TRPM3: variants seen among roughly 807,000 people sequenced by gnomAD.
TRPM3 encodes the protein transient receptor potential cation channel subfamily M member 3.
Under a neutral mutation model 181.2 loss-of-function variants are expected in TRPM3, and 77 were observed. The observed-to-expected ratio is 0.42, with a 90% confidence interval of 0.35 to 0.51. The LOEUF is 0.51. TRPM3 is among the 20% of genes least tolerant of loss of function. TRPM3 has a pLI of 0.01. For synonymous variants in TRPM3, 745 were observed against 796.4 expected, an observed-to-expected ratio of 0.94 and a Z score of 1.09; for missense variants, 1,759 against 2,196.7, an observed-to-expected ratio of 0.80 and a Z score of 3.98.
chr9:71,256,172 T>C (rs937409828), intron 1 of TRPM3, among the ~76,000 whole-genome samples: 3 of 152,170 alleles, frequency 2.0e-5, no homozygotes, highest in African/African-American at 7.2e-5. Context: ...TTGGAGAGCA[T>C]CTTTTTGAGG....
At chr9:70,603,305 GTC>G (rs2060422874) in intron 20 of TRPM3, 35 bp downstream of exon 20, 4 of 1,602,680 alleles carry the variant, frequency 2.5e-6, no homozygotes, top group Non-Finnish European at 3.4e-6. Flanking sequence ...CTTAACCACT[GTC>G]TTTCTCTTAC....
At position 70,561,384 on chromosome 9, in the gene TRPM3, C is replaced by T. The variant is rs141406799; in HGVS notation, c.3224-8074G>A. The stretch of plus-strand genomic sequence containing the variant: ...TTCCTTGGCAAGACAACTGGAGATG[C>T]CTCCCTTTGCATGGCTACATCTTTC... On this transcript the variant is annotated intron_variant, in intron 22 of 25. Transcript: ENST00000677713. Among the ~76,000 whole-genome samples the T allele has an allele frequency of 1.3e-3, 198 of 152,278 alleles. 1 individual carries two copies. Among genetic ancestry groups the T allele is most frequent in the African/African-American group, 4.5e-3 (185 of 41,572 alleles).
chr9:70,857,753 C>A (rs1291039585), intron 3 of TRPM3, among the ~76,000 whole-genome samples: 1 of 152,100 alleles, frequency 6.6e-6, no homozygotes, highest in African/African-American at 2.4e-5. Flanking sequence ...GTTTTTTAAG[C>A]CTGACTGAAC....
intron 1 of TRPM3, among the ~76,000 whole-genome samples, chr9:71,090,587 G>A (rs1050164688): frequency 6.6e-6 from 1 of 152,116 alleles, no homozygotes; most frequent in Non-Finnish European, 1.5e-5. Flanking sequence ...GCCTTGGCCA[G>A]TACAAAAGCA....
intron 1 of TRPM3, among the ~76,000 whole-genome samples, chr9:71,265,984 T>C (rs2083369018): frequency 6.6e-6 from 1 of 152,194 alleles, no homozygotes; most frequent in African/African-American, 2.4e-5. Flanking sequence ...TGTCAACTAG[T>C]TTGTTGGCTT....
At chr9:70,985,898 G>T (rs77238512) in intron 1 of TRPM3, among the ~76,000 whole-genome samples, 2,066 of 152,264 alleles carry the variant, frequency 0.014, 36 homozygotes, top group African/African-American at 0.047. Flanking sequence ...GATGGAGGGA[G>T]AATATTTAAA....
intron 1 of TRPM3, among the ~76,000 whole-genome samples, chr9:71,390,205 T>C (rs2093030207): frequency 6.6e-6 from 1 of 151,934 alleles, no homozygotes; most frequent in Non-Finnish European, 1.5e-5. Flanking sequence ...CACTGGCATA[T>C]GGAAGAAAGC....
In TRPM3 at chr9:70,878,958, C is replaced by T. The variant is rs150634695; in HGVS notation, c.178-14447G>A. Among the ~76,000 whole-genome samples, 3 of 152,188 alleles carry T rather than the reference C, an allele frequency of 2.0e-5. No individual in the cohort carries two copies. The East Asian group carries it at 5.8e-4, about 30-fold the overall frequency. On this transcript the variant is annotated intron_variant, in intron 1 of 25. Transcript: ENST00000677713. Reference sequence around the variant, plus strand: ...TCAGAGGGAGTAAAGATTACAATAACGTTTCATAATAGCAGCAATAACAGT... The same window carrying T: ...TCAGAGGGAGTAAAGATTACAATAATGTTTCATAATAGCAGCAATAACAGT...
intron 1 of TRPM3, among the ~76,000 whole-genome samples, chr9:71,279,693 T>TG (rs1187412214): frequency 1.3e-5 from 2 of 152,032 alleles, no homozygotes; most frequent in East Asian, 1.9e-4. Context: ...AGGAAGAGCC[T>TG]GGGGGAGAGG....
chr9:71,080,171 A>AAAATT (rs2064049187), intron 1 of TRPM3, among the ~76,000 whole-genome samples: 1 of 133,196 alleles, frequency 7.5e-6, no homozygotes, highest in Non-Finnish European at 1.6e-5. Flanking sequence ...ACTCCATCTC[A>AAAATT]AAATAAATAA....
chr9:70,781,995 C>A (rs72727795), intron 7 of TRPM3, among the ~76,000 whole-genome samples: 7,203 of 141,296 alleles, frequency 0.051, 220 homozygotes, highest in South Asian at 0.11. Context: ...TCTGAAAAAA[C>A]AAACAAACAA....
At chr9:70,645,715 TA>T (rs1311470505) in intron 9 of TRPM3, among the ~76,000 whole-genome samples, 1 of 149,974 alleles carries the variant, frequency 6.7e-6, no homozygotes, top group Non-Finnish European at 1.5e-5. Flanking sequence ...AAATGGGATG[TA>T]ATTAAACTAA....
At chr9:71,350,617 G>C (rs1383968221) in intron 1 of TRPM3, among the ~76,000 whole-genome samples, 1 of 152,204 alleles carries the variant, frequency 6.6e-6, no homozygotes, top group East Asian at 1.9e-4. Flanking sequence ...TATTTCACAT[G>C]AAGTGTTGTC....
chr9:70,931,591 CTT>C (rs35707241), intron 1 of TRPM3, among the ~76,000 whole-genome samples: 4 of 146,774 alleles, frequency 2.7e-5, no homozygotes, highest in African/African-American at 1.0e-4. Flanking sequence ...CCATTTGACT[CTT>C]TTTTTTTTGT....
At chr9:71,404,121 T>G (rs2093392246) in intron 1 of TRPM3, among the ~76,000 whole-genome samples, 1 of 152,162 alleles carries the variant, frequency 6.6e-6, no homozygotes, top group South Asian at 2.1e-4. Context: ...TGGCCATCTT[T>G]ATAAAACAAG....
chr9:70,551,275 G>A (rs572097310), intron 24 of TRPM3, among the ~76,000 whole-genome samples: 3 of 152,092 alleles, frequency 2.0e-5, no homozygotes, highest in Non-Finnish European at 4.4e-5. Context: ...CAGTTTCCCC[G>A]ACTGATTCAT....
intron 1 of TRPM3, among the ~76,000 whole-genome samples, chr9:71,052,195 T>C (rs75321622): frequency 0.082 from 12,526 of 152,048 alleles, 571 homozygotes; most frequent in Admixed American, 0.14. Context: ...TTAAACCAAA[T>C]AAAGCAAAAT....
chr9:71,082,904 G>T (rs1161693351), intron 1 of TRPM3, among the ~76,000 whole-genome samples: 1 of 152,110 alleles, frequency 6.6e-6, no homozygotes, highest in East Asian at 1.9e-4. Context: ...AAAAGGAATT[G>T]TACAGGCAGG....
chr9:71,078,015 G>A (rs1419926057), intron 1 of TRPM3, among the ~76,000 whole-genome samples: 2 of 149,680 alleles, frequency 1.3e-5, no homozygotes, highest in East Asian at 3.9e-4. Context: ...AATTTTAAAT[G>A]CAGATATCTT....
Sources: allele counts gnomAD v4.1 joint callset (sites outside exome capture counted in the v4.1 genomes callset), GRCh38; gene constraint gnomAD v4.1.1; transcripts MANE v1.5; gene names NCBI Gene and HGNC (gene_info 2026-07-23, HGNC 2026-07-21).